Variants in ZNF320 observed in about 807,000 individuals in gnomAD.
ZNF320 encodes zinc finger gene 320.
In ZNF320, 2 loss-of-function variants were observed where a neutral mutation model predicts 6.8. That is an observed-to-expected ratio of 0.29 (90% CI 0.12 to 0.93). ZNF320 has a LOEUF of 0.93. Ranked by LOEUF, ZNF320 falls within the 40% of genes least tolerant of loss-of-function variation. The probability of loss-of-function intolerance (pLI) is 0.55; values close to 1 mark genes in which losing one functional copy is unlikely to be tolerated. For synonymous variants in ZNF320, 208 were observed against 203.2 expected, an observed-to-expected ratio of 1.02 and a Z score of -0.20; for missense variants, 472 against 611.0, an observed-to-expected ratio of 0.77 and a Z score of 2.40.
chr19:52,897,257 C>G (rs1264188997), intron 1 of ZNF320, among the ~76,000 whole-genome samples: 2 of 152,254 alleles, frequency 1.3e-5, no homozygotes, highest in South Asian at 4.1e-4. Flanking sequence ...TAGGACCAGG[C>G]AGAGGACGCG....
chr19:52,868,471 A>G (rs948256306), intron 5 of ZNF320, among the ~76,000 whole-genome samples: 2 of 151,674 alleles, frequency 1.3e-5, no homozygotes, highest in African/African-American at 4.9e-5. Flanking sequence ...GCGCCACTGT[A>G]GTCCAGCCTG....
intron 1 of ZNF320, chr19:52,895,265 G>T (rs763257078): frequency 7.2e-5 from 11 of 152,146 alleles, no homozygotes; most frequent in Non-Finnish European, 1.3e-4. Flanking sequence ...GGGAGTTTGA[G>T]ACCAGCCTGA....
downstream of ZNF320, among the ~76,000 whole-genome samples, chr19:52,872,803 T>C (rs189506873): frequency 7.8e-4 from 119 of 152,258 alleles, no homozygotes; most frequent in South Asian, 2.9e-3. Flanking sequence ...GCCCAGCCTC[T>C]CTCAGTATTT....
intron 2 of ZNF320, 164 bp downstream of exon 2, chr19:52,893,615 C>T (rs2064379871): frequency 6.6e-6 from 1 of 152,116 alleles, no homozygotes; most frequent in Non-Finnish European, 1.5e-5. Context: ...CCAGTGCACT[C>T]CAGCCTGTCG....
At chr19:52,897,171 C>T (rs927375085) in intron 1 of ZNF320, among the ~76,000 whole-genome samples, 4 of 152,194 alleles carry the variant, frequency 2.6e-5, no homozygotes, top group Non-Finnish European at 4.4e-5. Flanking sequence ...GGAGTTGGAA[C>T]TAGGTAGCAA....
chr19:52,881,186 C>T lies in ZNF320; in HGVS notation c.940G>A (p.Ala314Thr). 6.2e-7 allele frequency: 1 copy of T among 1,614,064 alleles called. No homozygotes were observed. The highest frequency in any genetic ancestry group is 8.5e-7 in the Non-Finnish European group (1 of 1,180,016). Residue 314 changes from alanine to threonine, a missense_variant, in exon 6 of 6, where the codon GCA becomes ACA. By Grantham distance (58) the Ala-to-Thr change is moderately conservative. Around this residue, in one of 2 missense-constraint regions of ZNF320, gnomAD observed 462 missense variants for 559.7 expected, o/e 0.83. Transcript: ENST00000682928. ...NECGKVFKQR[A>T]TLAGHRRVHT... ...ACTCTACGATGTCCTGCAAGAGTTG[C>T]TCGTTGCTTAAAAACCTTGCCACAT... is the stretch of plus-strand genomic sequence containing the variant.
intron 1 of ZNF320, among the ~76,000 whole-genome samples, chr19:52,894,455 A>G (rs1353427426): frequency 2.0e-5 from 3 of 152,140 alleles, no homozygotes; most frequent in Non-Finnish European, 4.4e-5. Context: ...AGCAAAAGGA[A>G]TGTCTCTCTC....
At chr19:52,863,895 T>C in exon 6 of ZNF320, 1 of 312,656 alleles carries the variant, frequency 3.2e-6, no homozygotes, top group Non-Finnish European at 6.2e-6. Context: ...ATGCTGGGCA[T>C]GGTGGCACGT....
intron 5 of ZNF320, among the ~76,000 whole-genome samples, chr19:52,869,494 G>A (rs113541807): frequency 6.6e-6 from 1 of 152,254 alleles, no homozygotes; most frequent in African/African-American, 2.4e-5. Flanking sequence ...CAGACTGAGC[G>A]CAGTGGCTCA....
downstream of ZNF320, among the ~76,000 whole-genome samples, chr19:52,860,165 G>A (rs2063479198): frequency 6.6e-6 from 1 of 152,226 alleles, no homozygotes; most frequent in East Asian, 1.9e-4. Context: ...TCCCGCCTCG[G>A]CCTCCCAAAG....
chr19:52,892,521 C>G (rs1298950013), intron 2 of ZNF320, among the ~76,000 whole-genome samples: 1 of 152,082 alleles, frequency 6.6e-6, no homozygotes, highest in Non-Finnish European at 1.5e-5. Flanking sequence ...GAGGTCAAGG[C>G]AGGTGGATCA....
At chr19:52,875,217 C>T (rs1024377820), downstream of ZNF320, among the ~76,000 whole-genome samples, 13 of 152,188 alleles carry the variant, frequency 8.5e-5, no homozygotes, top group Non-Finnish European at 1.2e-4. Context: ...TCATCTGAGA[C>T]ATGTAGGACT....
chr19:52,880,531 G>C lies in ZNF320; in HGVS notation c.*65C>G, dbSNP rs757081122. On this transcript the variant is annotated 3_prime_UTR_variant, in exon 6 of 6. Transcript: ENST00000682928. ...CTCTTAACATAAACAGTTTAATGTC[G>C]ATTAATGCTTGAAATCAATGTTAAG... 47 of 1,466,936 alleles carry C rather than the reference G, an allele frequency of 3.2e-5. No individual in the cohort carries two copies. The highest frequency in any genetic ancestry group is 4.1e-5 in the Non-Finnish European group (44 of 1,077,558). 90.9% of individuals were successfully genotyped at this position (1,466,936 alleles called of 1,614,324 possible).
At chr19:52,893,885 T>G (rs2064388935) in intron 1 of ZNF320, 29 bp from the exon 2 acceptor site, 1 of 151,422 alleles carries the variant, frequency 6.6e-6, no homozygotes, top group Non-Finnish European at 1.5e-5. Flanking sequence ...CTCCATCACC[T>G]CCACCCCCCA....
rs986504978 is a variant in ZNF320, at chr19:52,877,655, T to C, written c.*2941A>G. The C allele has an allele frequency of 6.6e-6, 1 of 152,242 alleles. No individual in the cohort carries two copies. Among genetic ancestry groups the C allele is most frequent in the African/African-American group, 2.4e-5 (1 of 41,464 alleles). The allele number at this position is 152,242 out of a possible 1,614,324, so 9.4% of individuals were successfully genotyped here. On this transcript the variant is annotated 3_prime_UTR_variant, in exon 6 of 6. Coordinates refer to ENST00000682928, the MANE Select transcript of ZNF320 (RefSeq NM_001351774.2). Reference sequence around the variant, plus strand: ...GCATATGTAGCTTTTTAAAAAATCTTTGTAACTATCTTGTTTAGGAATAAA... The same window carrying C: ...GCATATGTAGCTTTTTAAAAAATCTCTGTAACTATCTTGTTTAGGAATAAA...
At chr19:52,863,281 T>C (rs969406361) in exon 6 of ZNF320, among the ~76,000 whole-genome samples, 11 of 152,142 alleles carry the variant, frequency 7.2e-5, no homozygotes, top group Non-Finnish European at 1.6e-4. Flanking sequence ...AGCCTCTGTG[T>C]CTTAAACAAA....
chr19:52,864,015 G>A (rs1197139459), exon 6 of ZNF320: 2 of 484,504 alleles, frequency 4.1e-6, no homozygotes, highest in Middle Eastern at 4.0e-4. Context: ...TTCATGTCTG[G>A]AGGAACATTT....
intron 5 of ZNF320, among the ~76,000 whole-genome samples, chr19:52,869,917 C>T (rs1215928630): frequency 1.3e-5 from 2 of 151,866 alleles, no homozygotes; most frequent in Non-Finnish European, 2.9e-5. Flanking sequence ...GGGGTTTCAC[C>T]GTGTTAGCCA....
exon 6 of ZNF320, chr19:52,864,053 T>C (rs1281896833): frequency 4.0e-6 from 2 of 504,196 alleles, no homozygotes; most frequent in Middle Eastern, 7.0e-4. Flanking sequence ...CAGGTTCCTG[T>C]AGTTCTCCCA....
Sources: allele counts gnomAD v4.1 joint callset (sites outside exome capture counted in the v4.1 genomes callset), GRCh38; gene constraint gnomAD v4.1.1; regional missense constraint gnomAD v4.1.1; transcripts MANE v1.5; gene names NCBI Gene and HGNC (gene_info 2026-07-23, HGNC 2026-07-21).